PTPRA: variants seen among roughly 807,000 people sequenced by gnomAD.
The protein encoded by PTPRA is receptor-type tyrosine-protein phosphatase alpha.
In PTPRA, 25 loss-of-function variants were observed where a neutral mutation model predicts 104.8. The ratio of observed to expected loss-of-function variants is 0.24; its 90% CI spans 0.17 to 0.33. The LOEUF is 0.33. Among genes scored for constraint, PTPRA ranks in the 10% least tolerant of loss-of-function variants. PTPRA has a pLI of 1.00. For missense variants in PTPRA, 765 were observed against 1,015.3 expected (o/e 0.75, Z 3.35); for synonymous variants, 323 against 368.9 (o/e 0.88, Z 1.43).
intron 1 of PTPRA, among the ~76,000 whole-genome samples, chr20:2,914,456 T>C (rs1327936438): frequency 6.7e-6 from 1 of 148,544 alleles, no homozygotes. Flanking sequence ...TGTGTGTGTG[T>C]GTGTGTGTGT....
intron 3 of PTPRA, 89 bp downstream of exon 3, chr20:2,948,113 G>A: frequency 1.7e-6 from 1 of 598,716 alleles, no homozygotes; most frequent in Non-Finnish European, 2.6e-6. Flanking sequence ...TTAGCAAGCT[G>A]CTTATGGCAT....
the PTPRA span, chr20:2,865,048 C>T: frequency 1.2e-6 from 2 of 1,614,196 alleles, no homozygotes; most frequent in South Asian, 1.1e-5. The surrounding 1 kb of genome is among the most constrained non-coding windows in gnomAD (Gnocchi z 5.2). Flanking sequence ...AATGAGTTTG[C>T]AGCCAAGGTT....
chr20:2,891,410 C>G (rs2058784744), intron 1 of PTPRA, among the ~76,000 whole-genome samples: 1 of 152,202 alleles, frequency 6.6e-6, no homozygotes, highest in Admixed American at 6.5e-5. Flanking sequence ...TCTGAGCCCA[C>G]TGCCGCTTGA....
intron 20 of PTPRA, among the ~76,000 whole-genome samples, chr20:3,030,613 T>C (rs557612936): frequency 1.2e-4 from 18 of 148,134 alleles, no homozygotes; most frequent in Non-Finnish European, 2.7e-4. Flanking sequence ...TCCCATAATA[T>C]AAATTCTGTA....
intron 6 of PTPRA, among the ~76,000 whole-genome samples, chr20:2,982,001 A>G (rs1363942839): frequency 3.3e-5 from 5 of 151,594 alleles, no homozygotes; most frequent in African/African-American, 1.2e-4. Context: ...TTCTTCTACC[A>G]TGTCAGTGTG....
intron 2 of PTPRA, among the ~76,000 whole-genome samples, chr20:2,942,986 G>T (rs1373579283): frequency 6.6e-6 from 1 of 151,620 alleles, no homozygotes; most frequent in African/African-American, 2.4e-5. Context: ...ATAATAATAT[G>T]CCAGCATGTT....
chr20:2,903,624 G>A (rs1201545674), intron 1 of PTPRA, among the ~76,000 whole-genome samples: 1 of 152,102 alleles, frequency 6.6e-6, no homozygotes, highest in African/African-American at 2.4e-5. Flanking sequence ...GGAATTTGAG[G>A]CTGTGGTGAG....
rs1018477236 is a variant in PTPRA, at chr20:2,873,949, G to C, written c.-129+189G>C. On this transcript the variant is annotated intron_variant, in intron 1 of 23. Transcript: ENST00000399903. The surrounding 1 kb of genome is among the most constrained non-coding windows in gnomAD (Gnocchi z 4.4). The stretch of plus-strand genomic sequence containing the variant: ...CCTTGCGGGTCCGTCGCGGGGAGGG[G>C]GTCCCCGGAAACGTGCCGGCCCGAG... Among the ~76,000 whole-genome samples, 1 of 152,140 alleles carries C rather than the reference G, an allele frequency of 6.6e-6. No individual in the cohort carries two copies. The highest frequency in any genetic ancestry group is 1.5e-5 in the Non-Finnish European group (1 of 68,014).
intron 1 of PTPRA, among the ~76,000 whole-genome samples, chr20:2,909,464 C>T (rs904679411): frequency 1.3e-4 from 20 of 151,968 alleles, no homozygotes; most frequent in Admixed American, 7.2e-4. Flanking sequence ...CACCTATAAT[C>T]CCAGCTACTC....
chr20:2,920,137 T>C (rs1404145789), intron 1 of PTPRA, among the ~76,000 whole-genome samples: 2 of 152,198 alleles, frequency 1.3e-5, no homozygotes, highest in Non-Finnish European at 2.9e-5. Context: ...TTTTATCCAT[T>C]GAAACAAGCA....
chr20:2,919,241 T>G (rs1600111463), intron 1 of PTPRA, among the ~76,000 whole-genome samples: 1 of 152,320 alleles, frequency 6.6e-6, no homozygotes, highest in East Asian at 1.9e-4. Context: ...GACTTGTGCT[T>G]AATAAGAAAT....
chr20:2,955,139 T>C (rs544168414), intron 3 of PTPRA, among the ~76,000 whole-genome samples: 90 of 152,362 alleles, frequency 5.9e-4, no homozygotes, highest in African/African-American at 2.1e-3. Context: ...TTTTTCAAAA[T>C]TGTCACTGGT....
At chr20:3,004,441 T>C (rs552171632) in intron 9 of PTPRA, among the ~76,000 whole-genome samples, 106 of 152,368 alleles carry the variant, frequency 7.0e-4, no homozygotes, top group Non-Finnish European at 1.2e-3. Flanking sequence ...CTAATCTACA[T>C]TTGCTCCAGA....
At position 2,934,560 on chromosome 20, in the gene PTPRA, A is replaced by G. The variant is rs542709209; in HGVS notation, c.-50+11275A>G. Among the ~76,000 whole-genome samples the G allele has an allele frequency of 7.1e-4, 108 of 151,972 alleles. 1 individual carries two copies. The highest frequency in any genetic ancestry group is 2.3e-3 in the African/African-American group (94 of 41,484). On this transcript the variant is annotated intron_variant, in intron 2 of 23. Transcript: ENST00000399903. Reference sequence around the variant, plus strand: ...GCCTAGACTACACTCACCTATTTGTATATGTGAACTTTTTTTAAAACATTT... The same window carrying G: ...GCCTAGACTACACTCACCTATTTGTGTATGTGAACTTTTTTTAAAACATTT...
chr20:3,018,698 A>G (rs1254158292), intron 13 of PTPRA, among the ~76,000 whole-genome samples: 2 of 149,590 alleles, frequency 1.3e-5, no homozygotes, highest in Non-Finnish European at 3.0e-5. Context: ...ATTCCACAAA[A>G]CCGCCATTGT....
chr20:2,968,703 C>T (rs184362130), intron 5 of PTPRA, among the ~76,000 whole-genome samples: 47 of 152,026 alleles, frequency 3.1e-4, no homozygotes, highest in Admixed American at 2.8e-3. Flanking sequence ...CGCTTAAGCC[C>T]GGGAGTTTGA....
chr20:2,921,698 A>G (rs959545939), intron 1 of PTPRA, among the ~76,000 whole-genome samples: 2 of 152,106 alleles, frequency 1.3e-5, no homozygotes, highest in African/African-American at 4.8e-5. Context: ...TTGGAGGGGC[A>G]AAGGGCTTAT....
chr20:2,873,060 A>AG (rs1329048795), upstream of PTPRA, among the ~76,000 whole-genome samples: 1 of 152,036 alleles, frequency 6.6e-6, no homozygotes, highest in East Asian at 1.9e-4. The surrounding 1 kb of genome is among the most constrained non-coding windows in gnomAD (Gnocchi z 4.4). Context: ...CAATTAGGGG[A>AG]GGGAAAAAAA....
At chr20:3,020,598 A>G (rs1361372860) in intron 13 of PTPRA, among the ~76,000 whole-genome samples, 1 of 152,184 alleles carries the variant, frequency 6.6e-6, no homozygotes, top group Non-Finnish European at 1.5e-5. Flanking sequence ...TGTGGCTACC[A>G]AGTGCATGCC....
Sources: allele counts gnomAD v4.1 joint callset (sites outside exome capture counted in the v4.1 genomes callset), GRCh38; gene constraint gnomAD v4.1.1; non-coding constraint Gnocchi (gnomAD v3.1); transcripts MANE v1.5; gene names NCBI Gene and HGNC (gene_info 2026-07-23, HGNC 2026-07-21).